The following SF3A2 variants were observed in gnomAD, a reference collection of about 807,000 sequenced individuals.
SF3A2 encodes the protein splicing factor 3a subunit 2.
SF3A2 carries 5 observed loss-of-function variants against 31.1 expected under a neutral mutation model. That is an observed-to-expected ratio of 0.16 (90% CI 0.08 to 0.34). The LOEUF is 0.34. Ranked by LOEUF, SF3A2 falls within the 10% of genes least tolerant of loss-of-function variation. SF3A2 has a pLI of 1.00. For synonymous variants in SF3A2, 365 were observed against 263.7 expected, an observed-to-expected ratio of 1.38 and a Z score of -3.72; for missense variants, 577 against 643.9, an observed-to-expected ratio of 0.90 and a Z score of 1.13.
rs1360166994 is a variant in SF3A2, at chr19:2,248,336, A to G, written c.1185A>G (p.Pro395=). 13 of 1,275,366 alleles carry G rather than the reference A, an allele frequency of 1.0e-5. No individual in the cohort carries two copies. Among genetic ancestry groups the G allele is most frequent in the Non-Finnish European group, 1.3e-5 (13 of 1,017,352 alleles). 79.0% of individuals were successfully genotyped at this position (1,275,366 alleles called of 1,614,324 possible). A position where few individuals can be genotyped will look rare whatever the true frequency, so the allele number is the denominator to read the frequency against. ...ACCCTCAGGCCCCAGGGGTGCACCC[A>G]CCAGCCCCAGGGATGCACCCTCAGG... ...AVHPQAPGVH[P]PAPGMHPQAP... The change falls in exon 9 of 9, where the codon CCA becomes CCG. Residue 395 remains proline, a synonymous_variant. Transcript: ENST00000221494.
chr19:2,243,947 G>A (rs2024910868), intron 2 of SF3A2, among the ~76,000 whole-genome samples: 1 of 152,148 alleles, frequency 6.6e-6, no homozygotes, highest in Non-Finnish European at 1.5e-5. Context: ...ACCCTGACAT[G>A]CCCCACGGGC....
chr19:2,247,580 C>T lies in SF3A2; in HGVS notation c.547-14C>T. 6.2e-7 allele frequency: 1 copy of T among 1,612,966 alleles called. No individual in the cohort carries two copies. Among genetic ancestry groups the T allele is most frequent in the Non-Finnish European group, 8.5e-7 (1 of 1,179,640 alleles). Reference sequence around the variant, plus strand: ...ACAGGGACCAGGAGCCCTCTCTGTCCCCCGCCCTCCCAGGTGCCGAGCAGA... The same window carrying T: ...ACAGGGACCAGGAGCCCTCTCTGTCTCCCGCCCTCCCAGGTGCCGAGCAGA... On this transcript the variant is annotated splice_polypyrimidine_tract_variant and intron_variant, in intron 7 of 8. Coordinates refer to ENST00000221494, the MANE Select transcript of SF3A2 (RefSeq NM_007165.5).
chr19:2,243,935 G>A (rs758758066), intron 2 of SF3A2, among the ~76,000 whole-genome samples: 26 of 152,186 alleles, frequency 1.7e-4, no homozygotes, highest in Non-Finnish European at 2.9e-4. Flanking sequence ...CACTCTTTGT[G>A]TACCCTGACA....
intron 1 of SF3A2, among the ~76,000 whole-genome samples, chr19:2,238,778 C>A (rs1381065161): frequency 6.6e-6 from 1 of 152,220 alleles, no homozygotes; most frequent in African/African-American, 2.4e-5. Context: ...TCTCCCCTCA[C>A]CACTTCCCTC....
chr19:2,248,431 G>C lies in SF3A2; in HGVS notation c.1280G>C (p.Gly427Ala), dbSNP rs2024966831. Residue 427 changes from glycine to alanine, a missense_variant, in exon 9 of 9, where the codon GGA (glycine) becomes GCA (alanine). Physicochemically the swap from Gly to Ala is moderately conservative, Grantham distance 60 (BLOSUM62 0). Coordinates refer to ENST00000221494, the MANE Select transcript of SF3A2 (RefSeq NM_007165.5). ...CCTGGGGTCCACCCTCAGCCTCCGG[G>C]AGTTCACCCCTCAAATCCTGGGGTG... ...SAPGVHPQPP[G>A]VHPSNPGVHP... 7.3e-7 allele frequency: 1 copy of C among 1,370,236 alleles called. No homozygotes were observed. Among genetic ancestry groups the C allele is most frequent in the African/African-American group, 1.5e-5 (1 of 65,602 alleles). 84.9% of individuals were successfully genotyped at this position (1,370,236 alleles called of 1,614,324 possible). A position where few individuals can be genotyped will look rare whatever the true frequency, so the allele number is the denominator to read the frequency against.
At chr19:2,236,945 G>T (rs2024827292) in intron 1 of SF3A2, 44 bp downstream of exon 1, 1 of 152,028 alleles carries the variant, frequency 6.6e-6, no homozygotes, top group African/African-American at 2.4e-5. Flanking sequence ...ACGCGGACCG[G>T]GGGTTCCCTG....
intron 1 of SF3A2, among the ~76,000 whole-genome samples, chr19:2,239,552 G>A (rs151028225): frequency 8.3e-4 from 127 of 152,130 alleles, no homozygotes; most frequent in Admixed American, 3.4e-3. Flanking sequence ...CTCATTTACC[G>A]GGGATCTTTT....
chr19:2,243,330 A>G, intron 1 of SF3A2, 52 bp from the exon 2 acceptor site: 1 of 1,405,980 alleles, frequency 7.1e-7, no homozygotes, highest in Non-Finnish European at 9.4e-7. Context: ...AGGTCCCAGC[A>G]GCAGCCCCGA....
Position 2,245,187 on chromosome 19 carries a change from TAAAAA to T in SF3A2, c.246-248_246-244del. On this transcript the variant is annotated intron_variant, in intron 4 of 8. Transcript: ENST00000221494. The surrounding 1 kb of genome is among the most constrained non-coding windows in gnomAD (Gnocchi z 4.2). ...CGACAGAGTGAGACTCTTGTCTTAT[TAAAAA>T]AAAAAAAAAAGAGCAGAGGCATGGA... 1 of 407,374 alleles carries T rather than the reference TAAAAA, an allele frequency of 2.5e-6. No individual in the cohort carries two copies. The highest frequency in any genetic ancestry group is 2.2e-5 in the African/African-American group (1 of 44,458). 25.2% of individuals were successfully genotyped at this position (407,374 alleles called of 1,614,324 possible).
chr19:2,243,565 C>T, intron 2 of SF3A2, 21 bp downstream of exon 2: 1 of 1,534,522 alleles, frequency 6.5e-7, no homozygotes, highest in African/African-American at 1.4e-5. Context: ...CACCGTGCAG[C>T]TGCCTGTGGT....
intron 7 of SF3A2, 50 bp from the exon 8 acceptor site, chr19:2,247,544 G>C (rs199795996): frequency 1.4e-5 from 22 of 1,590,406 alleles, no homozygotes; most frequent in Non-Finnish European, 1.9e-5. Context: ...CCTGATGGTC[G>C]CCCTGAGGTC....
chr19:2,247,830 C>G lies in SF3A2; in HGVS notation c.679C>G (p.Pro227Ala). 6.3e-7 allele frequency: 1 copy of G among 1,596,304 alleles called. No homozygotes were observed. Among genetic ancestry groups the G allele is most frequent in the Non-Finnish European group, 8.6e-7 (1 of 1,168,604 alleles). Reference protein sequence around the residue: ...PPAPPSLPAGPPGVKRPPPPL... With the variant: ...PPAPPSLPAGAPGVKRPPPPL... ...GGCTCCACCCAGCCTCCCTGCTGGC[C>G]CCCCTGGGGTGAAGCGGCCTCCACC... The change falls in exon 9 of 9, where the codon CCC (proline) becomes GCC (alanine). Residue 227 changes from proline to alanine, a missense_variant. Physicochemically the swap from Pro to Ala is conservative, Grantham distance 27. Around this residue, in one of 6 missense-constraint regions of SF3A2, gnomAD observed 462 missense variants for 339.1 expected, o/e 1.36. Transcript: ENST00000221494.
chr19:2,247,975 CG>C lies in SF3A2; in HGVS notation c.827del (p.Gly276AspfsTer170). ...PPTGPAPSGP[P>X]GPPQLPPPAP... The stretch of plus-strand genomic sequence containing the variant: ...ACAGGGCCTGCGCCCTCAGGGCCCC[CG>C]GGACCACCCCAGCTACCCCCGCCAG... On this transcript the variant is annotated frameshift_variant, in exon 9 of 9. Coordinates refer to ENST00000221494, the MANE Select transcript of SF3A2 (RefSeq NM_007165.5). LOFTEE classifies it low-confidence loss of function (END_TRUNC). 9.4e-7 allele frequency: 1 copy of C among 1,059,128 alleles called. No homozygotes were observed. Among genetic ancestry groups the C allele is most frequent in the Non-Finnish European group, 1.4e-6 (1 of 709,992 alleles). The allele number at this position is 1,059,128 out of a possible 1,614,324, so 65.6% of individuals were successfully genotyped here.
chr19:2,245,593 C>T lies in SF3A2; in HGVS notation c.355+38C>T. On this transcript the variant is annotated intron_variant, in intron 5 of 8. Transcript: ENST00000221494. The surrounding 1 kb of genome is among the most constrained non-coding windows in gnomAD (Gnocchi z 4.2). Reference sequence around the variant, plus strand: ...GCAGCGGGGCCGGCCACAGCCGCTGCCGTGACATAAGTGTGTTCTTTAGTC... The same window carrying T: ...GCAGCGGGGCCGGCCACAGCCGCTGTCGTGACATAAGTGTGTTCTTTAGTC... The T allele has an allele frequency of 1.4e-6, 2 of 1,412,566 alleles. No homozygotes were observed. Among genetic ancestry groups the T allele is most frequent in the Non-Finnish European group, 2.0e-6 (2 of 1,020,794 alleles). 87.5% of individuals were successfully genotyped at this position (1,412,566 alleles called of 1,614,324 possible). A position where few individuals can be genotyped will look rare whatever the true frequency, so the allele number is the denominator to read the frequency against.
chr19:2,239,466 A>G (rs555406984), intron 1 of SF3A2, among the ~76,000 whole-genome samples: 2 of 151,480 alleles, frequency 1.3e-5, no homozygotes, highest in African/African-American at 4.8e-5. Context: ...CTGGTTTCTG[A>G]TGTTTTCTGC....
intron 1 of SF3A2, among the ~76,000 whole-genome samples, chr19:2,239,755 TG>T (rs1160504726): frequency 2.6e-5 from 4 of 152,246 alleles, no homozygotes; most frequent in Non-Finnish European, 4.4e-5. Context: ...CTTTTCCTCC[TG>T]TTTTTTTAAC....
chr19:2,248,252 C>G lies in SF3A2; in HGVS notation c.1101C>G (p.Pro367=). 1.4e-6 allele frequency: 2 copies of G among 1,416,288 alleles called. No individual in the cohort carries two copies. Among genetic ancestry groups the G allele is most frequent in the Non-Finnish European group, 1.8e-6 (2 of 1,082,324 alleles). The allele number at this position is 1,416,288 out of a possible 1,614,324, so 87.7% of individuals were successfully genotyped here. Residue 367 remains proline (P), a synonymous_variant, in exon 9 of 9, where the codon CCC becomes CCG. Transcript: ENST00000221494. ...CACCAGCCCCAGGGGTCCATCCTCC[C>G]CCATCAGCGGGGGTTCACCCCCAGG... ...VHPPAPGVHP[P]PSAGVHPQAP... is the part of the protein sequence containing the mutation.
intron 1 of SF3A2, among the ~76,000 whole-genome samples, chr19:2,240,200 C>G (rs1048699370): frequency 6.6e-6 from 1 of 152,164 alleles, no homozygotes; most frequent in African/African-American, 2.4e-5. Flanking sequence ...GGGGGGCGTC[C>G]GTGCTGGGCC....
At chr19:2,238,551 T>C (rs1446054690) in intron 1 of SF3A2, among the ~76,000 whole-genome samples, 2 of 152,244 alleles carry the variant, frequency 1.3e-5, no homozygotes, top group Non-Finnish European at 2.9e-5. Flanking sequence ...TCATTGGTTG[T>C]GTTTTCTAAA....
Sources: allele counts gnomAD v4.1 joint callset (sites outside exome capture counted in the v4.1 genomes callset), GRCh38; gene constraint gnomAD v4.1.1; regional missense constraint gnomAD v4.1.1; non-coding constraint Gnocchi (gnomAD v3.1); transcripts MANE v1.5; gene names NCBI Gene and HGNC (gene_info 2026-07-23, HGNC 2026-07-21).